IFT172: variants seen among roughly 807,000 people sequenced by gnomAD.
IFT172 encodes the protein intraflagellar transport 172.
In IFT172, 164 loss-of-function variants were observed where a neutral mutation model predicts 248.9. The observed-to-expected ratio is 0.66, with a 90% CI of 0.58 to 0.75. The LOEUF is 0.75. Ranked by LOEUF, IFT172 falls within the 30% of genes least tolerant of loss-of-function variation. The probability of loss-of-function intolerance (pLI) is 0.00; values close to 1 mark genes in which losing one functional copy is unlikely to be tolerated. For missense variants in IFT172, 1,950 were observed against 2,192.4 expected, an observed-to-expected ratio of 0.89 and a Z score of 2.21; for synonymous variants, 729 against 791.6, an observed-to-expected ratio of 0.92 and a Z score of 1.33.
chr2:27,446,014 G>T, intron 43 of IFT172, 26 bp from the exon 44 acceptor site: 2 of 1,613,920 alleles, frequency 1.2e-6, no homozygotes, highest in Non-Finnish European at 1.7e-6. Context: ...GTTGCAAATG[G>T]GAGTGAACAA....
Position 27,485,354 on chromosome 2 carries a change from G to A in IFT172, c.183+6C>T, listed in dbSNP as rs1447049204. On this transcript the variant is annotated splice_donor_region_variant and intron_variant, in intron 2 of 47. Transcript: ENST00000260570. ...TAAATAAGGTACACATGAATACACT[G>A]TTTACCTTCATGTCAGCTGGTTTGG... 1.2e-6 allele frequency: 2 copies of A among 1,613,828 alleles called. No homozygotes were observed. Among genetic ancestry groups the A allele is most frequent in the African/African-American group, 1.3e-5 (1 of 74,894 alleles).
At position 27,454,785 on chromosome 2, in the gene IFT172, T is replaced by G. The variant is rs1438908460; in HGVS notation, c.3372-125A>C. On this transcript the variant is annotated intron_variant, in intron 30 of 47. Coordinates refer to ENST00000260570, the MANE Select transcript of IFT172 (RefSeq NM_015662.3). The surrounding 1 kb of genome is among the most constrained non-coding windows in gnomAD (Gnocchi z 4.2). Reference sequence around the variant, plus strand: ...GTGACAGATTTAAGGATAACAAATATGAAGTGACAGAAAAGCGTGGAGAGA... The same window carrying G: ...GTGACAGATTTAAGGATAACAAATAGGAAGTGACAGAAAAGCGTGGAGAGA... The G allele has an allele frequency of 1.3e-6, 1 of 797,604 alleles. No individual in the cohort carries two copies. The highest frequency in any genetic ancestry group is 2.1e-6 in the Non-Finnish European group (1 of 486,354). 49.4% of individuals were successfully genotyped at this position (797,604 alleles called of 1,614,324 possible).
chr2:27,481,529 T>C (rs1370851051), intron 7 of IFT172, among the ~76,000 whole-genome samples: 1 of 151,496 alleles, frequency 6.6e-6, no homozygotes, highest in Non-Finnish European at 1.5e-5. Flanking sequence ...GCTTGTATAT[T>C]GGAATTTTCT....
Position 27,465,795 on chromosome 2 carries a change from C to T in IFT172, c.1780G>A (p.Glu594Lys), listed in dbSNP as rs1667047677. The change falls in exon 17 of 48, where the codon GAG (glutamate) becomes AAG (lysine). Residue 594 changes from glutamate to lysine, a missense_variant. Physicochemically the swap from Glu to Lys is moderately conservative, Grantham distance 56. Transcript: ENST00000260570. The part of the protein sequence containing the change: ...GVTTVAYTLD[E>K]GLIEFGTAID... ...GCTGTTCCAAACTCGATGAGGCCCT[C>T]ATCCAATGTGTAGGCAACAGTAGTC... is the stretch of plus-strand genomic sequence containing the variant. 2 of 1,614,124 alleles carry T rather than the reference C, an allele frequency of 1.2e-6. No individual in the cohort carries two copies. The highest frequency in any genetic ancestry group is 2.2e-5 in the East Asian group (1 of 44,876).
In IFT172 at chr2:27,476,648, AAT is replaced by A. The variant is rs1667973557; in HGVS notation, c.1402_1403del (p.Ile468CysfsTer17). 1 of 1,560,646 alleles carries A rather than the reference AAT, an allele frequency of 6.4e-7. No homozygotes were observed. The highest frequency in any genetic ancestry group is 1.4e-5 in the African/African-American group (1 of 73,812). On this transcript the variant is annotated frameshift_variant, in exon 14 of 48. Coordinates refer to ENST00000260570, the MANE Select transcript of IFT172 (RefSeq NM_015662.3). LOFTEE classifies it high-confidence loss of function. ...KLAYLIDIKT[I>X]AIVDLIGGYN... ...TGAGAGAGTCTTACTCACCTATAGC[AAT>A]AGTCTTAATATCAATAAGATAAGCC...
At position 27,461,104 on chromosome 2, in the gene IFT172, A is replaced by G. The variant is rs772110749; in HGVS notation, c.2443-11T>C. 40 of 1,614,028 alleles carry G rather than the reference A, an allele frequency of 2.5e-5. No individual in the cohort carries two copies. The highest frequency in any genetic ancestry group is 1.3e-5 in the African/African-American group (1 of 74,894). ...AAAGAGATCACCTGCCTGTTAACAC[A>G]TACCACATTACTATGATACCCCTAC... On this transcript the variant is annotated splice_polypyrimidine_tract_variant and intron_variant, in intron 22 of 47. Coordinates refer to ENST00000260570, the MANE Select transcript of IFT172 (RefSeq NM_015662.3).
chr2:27,468,569 G>T (rs770196636), intron 16 of IFT172, among the ~76,000 whole-genome samples: 1 of 152,034 alleles, frequency 6.6e-6, no homozygotes, highest in African/African-American at 2.4e-5. Flanking sequence ...CCAAAGAGAG[G>T]CCAGGCACGA....
At chr2:27,473,236 G>A (rs1357767514) in intron 14 of IFT172, among the ~76,000 whole-genome samples, 2 of 150,594 alleles carry the variant, frequency 1.3e-5, no homozygotes, top group Non-Finnish European at 3.0e-5. Context: ...TGGGCGTGGT[G>A]GCTGGCACCT....
At chr2:27,483,814 C>G in intron 5 of IFT172, 58 bp downstream of exon 5, 1 of 1,494,654 alleles carries the variant, frequency 6.7e-7, no homozygotes, top group African/African-American at 1.4e-5. Flanking sequence ...CCATATTCCT[C>G]TCTCCAGAAC....
rs1665880862 is a variant in IFT172 at position 27,453,464 on chromosome 2, C to T, written c.3871G>A (p.Glu1291Lys). ...EQARHWEQAG[E>K]YSRAVDCYLK... is the part of the protein sequence containing the mutation. ...TAGCAGTCCACGGCACGGCTGTACTCTCCAGCCTGCTCCCAGTGTCGAGCT... is the reference window on the plus strand; with the variant it reads ...TAGCAGTCCACGGCACGGCTGTACTTTCCAGCCTGCTCCCAGTGTCGAGCT... The change falls in exon 35 of 48, where the codon GAG becomes AAG. Residue 1291 changes from glutamate to lysine, a missense_variant. Around this residue, in one of 3 missense-constraint regions of IFT172, gnomAD observed 620 missense variants for 699.0 expected, o/e 0.89. Coordinates refer to ENST00000260570, the MANE Select transcript of IFT172 (RefSeq NM_015662.3). 1 of 1,614,192 alleles carries T rather than the reference C, an allele frequency of 6.2e-7. No individual in the cohort carries two copies. The highest frequency in any genetic ancestry group is 1.1e-5 in the South Asian group (1 of 91,084).
chr2:27,459,254 G>T, intron 25 of IFT172, 124 bp downstream of exon 25: 1 of 1,221,552 alleles, frequency 8.2e-7, no homozygotes, highest in Non-Finnish European at 1.1e-6. Flanking sequence ...CCTTCAAGGT[G>T]ATGATGCTGT....
At chr2:27,475,876 C>T (rs1173257396) in intron 14 of IFT172, among the ~76,000 whole-genome samples, 1 of 151,908 alleles carries the variant, frequency 6.6e-6, no homozygotes. Flanking sequence ...AAGCAATCCG[C>T]CCGCCTCAGC....
At position 27,454,800 on chromosome 2, in the gene IFT172, GC is replaced by G; in HGVS notation, c.3372-141del. ...ATAACAAATATGAAGTGACAGAAAA[GC>G]GTGGAGAGATAAAAAGGAAGACGGG... On this transcript the variant is annotated intron_variant, in intron 30 of 47. Coordinates refer to ENST00000260570, the MANE Select transcript of IFT172 (RefSeq NM_015662.3). This position sits in a 1 kb window ranked among gnomAD's most constrained non-coding sequence, Gnocchi z 4.2. The G allele has an allele frequency of 1.4e-6, 1 of 730,510 alleles. No individual in the cohort carries two copies. The highest frequency in any genetic ancestry group is 2.3e-6 in the Non-Finnish European group (1 of 435,560). 45.3% of individuals were successfully genotyped at this position (730,510 alleles called of 1,614,324 possible).
intron 16 of IFT172, among the ~76,000 whole-genome samples, chr2:27,469,506 C>G (rs993311621): frequency 3.9e-5 from 6 of 151,970 alleles, no homozygotes; most frequent in African/African-American, 1.4e-4. Flanking sequence ...GGAACTGGTA[C>G]CTTGATGGTA....
intron 42 of IFT172, 64 bp from the exon 43 acceptor site, chr2:27,446,419 T>C: frequency 1.4e-6 from 2 of 1,397,098 alleles, no homozygotes; most frequent in East Asian, 2.3e-5. Context: ...AGACCAATGA[T>C]CCTGTAAGGC....
intron 19 of IFT172, 122 bp from the exon 20 acceptor site, chr2:27,462,915 T>A: frequency 8.5e-7 from 1 of 1,179,494 alleles, no homozygotes; most frequent in Non-Finnish European, 1.2e-6. Flanking sequence ...AAACACTTCA[T>A]GGAGCTTAAA....
chr2:27,472,106 T>A, intron 15 of IFT172, 144 bp downstream of exon 15: 1 of 671,286 alleles, frequency 1.5e-6, no homozygotes, highest in Non-Finnish European at 2.7e-6. Flanking sequence ...CTACAGAGAA[T>A]GTTGATTCTT....
chr2:27,478,208 G>A (rs763829409), intron 10 of IFT172, 52 bp from the exon 11 acceptor site: 42 of 1,608,252 alleles, frequency 2.6e-5, no homozygotes, highest in Admixed American at 2.0e-4. Flanking sequence ...CCAAAAGAAG[G>A]GTGAACAACC....
intron 5 of IFT172, 80 bp from the exon 6 acceptor site, chr2:27,483,739 TC>T: frequency 6.6e-7 from 1 of 1,524,808 alleles, no homozygotes. Context: ...GGAAAAACTG[TC>T]CCACAAAACT....
Sources: gnomAD v4.1 joint callset for allele counts (sites outside exome capture counted in the v4.1 genomes callset) on GRCh38, gnomAD v4.1.1 for gene constraint, gnomAD v4.1.1 regional missense constraint, Gnocchi (gnomAD v3.1) non-coding constraint, MANE v1.5 for transcripts, NCBI Gene and HGNC (gene_info 2026-07-23, HGNC 2026-07-21) for gene names.